Variants in LRRC8C observed in about 807,000 individuals in gnomAD.
LRRC8C encodes the protein leucine rich repeat containing 8 VRAC subunit C.
Under a neutral mutation model 55.3 loss-of-function variants are expected in LRRC8C, and 20 were observed. The observed-to-expected ratio is 0.36, with a 90% CI of 0.25 to 0.53. The LOEUF is 0.53. LRRC8C is among the 20% of genes least tolerant of loss of function. LRRC8C has a pLI of 0.92. For synonymous variants in LRRC8C, 376 were observed against 360.7 expected (o/e 1.04, Z -0.48); for missense variants, 659 against 951.4 (o/e 0.69, Z 4.04).
chr1:89,709,647 C>T (rs1351968624), intron 2 of LRRC8C, among the ~76,000 whole-genome samples: 1 of 152,130 alleles, frequency 6.6e-6, no homozygotes, highest in Non-Finnish European at 1.5e-5. Flanking sequence ...GGACTTAGCA[C>T]CTTAAGAAGA....
chr1:89,616,474 A>G, the LRRC8C span, among the ~76,000 whole-genome samples: 4 of 152,236 alleles, frequency 2.6e-5, no homozygotes, highest in African/African-American at 9.6e-5. Context: ...CCCCAGAATT[A>G]GCTCCAATTT....
At chr1:89,671,820 A>G (rs542345916) in intron 1 of LRRC8C, among the ~76,000 whole-genome samples, 207 of 152,344 alleles carry the variant, frequency 1.4e-3, no homozygotes, top group African/African-American at 4.6e-3. Flanking sequence ...GCCACATGCA[A>G]GGTGAAGCTG....
chr1:89,637,405 A>C (rs1186328898), intron 1 of LRRC8C, among the ~76,000 whole-genome samples: 1 of 151,426 alleles, frequency 6.6e-6, no homozygotes, highest in Non-Finnish European at 1.5e-5. Flanking sequence ...TGTGGAGGCT[A>C]CAACCAGAAG....
At chr1:89,675,332 G>A (rs1657522028) in intron 1 of LRRC8C, among the ~76,000 whole-genome samples, 2 of 152,216 alleles carry the variant, frequency 1.3e-5, no homozygotes. Flanking sequence ...AGAAACTTTA[G>A]TTTTAATGCT....
intron 1 of LRRC8C, among the ~76,000 whole-genome samples, chr1:89,686,158 T>C (rs990180000): frequency 1.3e-5 from 2 of 152,158 alleles, no homozygotes; most frequent in Non-Finnish European, 2.9e-5. Flanking sequence ...ATGTTCTGTT[T>C]AAGAGAAATG....
At chr1:89,708,211 G>A (rs778056390) in intron 2 of LRRC8C, among the ~76,000 whole-genome samples, 3 of 151,878 alleles carry the variant, frequency 2.0e-5, no homozygotes, top group East Asian at 1.9e-4. Flanking sequence ...AGAAAATGGC[G>A]GAATTGCTCC....
intron 1 of LRRC8C, among the ~76,000 whole-genome samples, chr1:89,636,313 T>G (rs1656280847): frequency 6.6e-6 from 1 of 152,250 alleles, no homozygotes; most frequent in Non-Finnish European, 1.5e-5. Flanking sequence ...TACATGCACG[T>G]AGTGATTAGT....
intron 2 of LRRC8C, among the ~76,000 whole-genome samples, chr1:89,707,651 AGTGT>A (rs34052147): frequency 0.025 from 3,522 of 140,018 alleles, 159 homozygotes; most frequent in African/African-American, 0.1. Flanking sequence ...TGTGTGTGTG[AGTGT>A]GTGTGTGTGT....
At position 89,713,831 on chromosome 1, in the gene LRRC8C, A is replaced by G. The variant is rs1198103409; in HGVS notation, c.1261A>G (p.Asn421Asp). 2 of 1,614,232 alleles carry G rather than the reference A, an allele frequency of 1.2e-6. No individual in the cohort carries two copies. The highest frequency in any genetic ancestry group is 1.1e-5 in the South Asian group (1 of 91,082). Residue 421 changes from asparagine (N) to aspartate (D), a missense_variant, in exon 3 of 3, where the codon AAT (asparagine) becomes GAT (aspartate). Transcript: ENST00000370454. The surrounding 1 kb of genome is among the most constrained non-coding windows in gnomAD (Gnocchi z 5.2). Reference sequence around the variant, plus strand: ...TAAACTGAGGCAGAAGCTACAGACAAATGCCCATAATCGACTGGAATTGCC... The same window carrying G: ...TAAACTGAGGCAGAAGCTACAGACAGATGCCCATAATCGACTGGAATTGCC... ...PDKLRQKLQT[N>D]AHNRLELPLI...
At chr1:89,667,527 A>T in intron 1 of LRRC8C, among the ~76,000 whole-genome samples, 1 of 152,168 alleles carries the variant, frequency 6.6e-6, no homozygotes, top group South Asian at 2.1e-4. Context: ...GGGAAAAACT[A>T]AAAAAGGAGT....
Position 89,708,342 on chromosome 1 carries a change from A to G in LRRC8C, c.139-4367A>G, listed in dbSNP as rs912189323. 2.0e-5 allele frequency among the ~76,000 whole-genome samples: 3 copies of G among 152,096 alleles called. 1 individual carries two copies. Among genetic ancestry groups the G allele is most frequent in the African/African-American group, 7.3e-5 (3 of 41,368 alleles). On this transcript the variant is annotated intron_variant, in intron 2 of 2. Transcript: ENST00000370454. ...TCCAAGCACTCTGTCTTAGTCCTGT[A>G]CCAACAGCCTGGAACCCTACAACTA...
intron 2 of LRRC8C, among the ~76,000 whole-genome samples, chr1:89,693,721 G>A (rs948680665): frequency 2.8e-5 from 4 of 143,358 alleles, no homozygotes; most frequent in African/African-American, 1.0e-4. Flanking sequence ...GCAGAGGCGC[G>A]GTCTCGGCTC....
At chr1:89,691,169 C>T (rs541169594) in intron 2 of LRRC8C, among the ~76,000 whole-genome samples, 4 of 152,198 alleles carry the variant, frequency 2.6e-5, no homozygotes, top group African/African-American at 9.6e-5. Flanking sequence ...GTCTGAAGAC[C>T]ATAGAAACAC....
chr1:89,685,197 C>G (rs562546555), intron 1 of LRRC8C, among the ~76,000 whole-genome samples: 1 of 143,872 alleles, frequency 7.0e-6, no homozygotes, highest in South Asian at 2.3e-4. Context: ...CGGCTCACTG[C>G]AAGCTCCGCT....
Position 89,712,857 on chromosome 1 carries a change from T to C in LRRC8C, c.287T>C (p.Met96Thr). The C allele has an allele frequency of 6.2e-7, 1 of 1,614,166 alleles. No individual in the cohort carries two copies. Among genetic ancestry groups the C allele is most frequent in the Non-Finnish European group, 8.5e-7 (1 of 1,180,010 alleles). The part of the protein sequence containing the change: ...PSPANPITVE[M>T]KGLKTDLDLQ... The stretch of plus-strand genomic sequence containing the variant: ...CCTGCTAACCCCATCACTGTGGAAA[T>C]GAAAGGCCTGAAGACAGATTTGGAC... Residue 96 changes from methionine to threonine, a missense_variant, in exon 3 of 3, where the codon ATG becomes ACG. Met to Thr is a moderately conservative substitution (Grantham distance 81). Transcript: ENST00000370454.
intron 1 of LRRC8C, among the ~76,000 whole-genome samples, chr1:89,685,666 A>G (rs924654548): frequency 1.3e-5 from 2 of 152,016 alleles, no homozygotes; most frequent in Non-Finnish European, 1.5e-5. Flanking sequence ...AAAAGAATGT[A>G]CCTCTTTTTC....
chr1:89,637,537 C>G (rs932159248), intron 1 of LRRC8C, among the ~76,000 whole-genome samples: 3 of 151,554 alleles, frequency 2.0e-5, no homozygotes, highest in African/African-American at 7.3e-5. Flanking sequence ...ACTATAATAC[C>G]TTATGACTGA....
At chr1:89,616,629 T>G in the LRRC8C span, among the ~76,000 whole-genome samples, 55 of 152,308 alleles carry the variant, frequency 3.6e-4, no homozygotes, top group African/African-American at 1.2e-3. Context: ...TCATCCCACC[T>G]CTTGCAAATT....
chr1:89,687,817 A>AT (rs888194502), intron 2 of LRRC8C, among the ~76,000 whole-genome samples: 45 of 152,162 alleles, frequency 3.0e-4, no homozygotes, highest in African/African-American at 9.7e-4. Context: ...GGTAGATGTG[A>AT]TTTTTCGGGT....
Sources: allele counts gnomAD v4.1 joint callset (sites outside exome capture counted in the v4.1 genomes callset), GRCh38; gene constraint gnomAD v4.1.1; non-coding constraint Gnocchi (gnomAD v3.1); transcripts MANE v1.5; gene names NCBI Gene and HGNC (gene_info 2026-07-23, HGNC 2026-07-21).